Variants in DCHS2 observed in about 807,000 individuals in gnomAD.
The protein encoded by DCHS2 is protocadherin-23.
A neutral mutation model predicts 182.4 loss-of-function variants in DCHS2; 142 were observed. That is an observed-to-expected ratio of 0.78 (90% CI 0.68 to 0.89). The LOEUF (loss-of-function observed/expected upper bound fraction) is 0.89, where lower values mean the gene tolerates loss of function less well. Ranked by LOEUF, DCHS2 falls within the 40% of genes least tolerant of loss-of-function variation. The probability of loss-of-function intolerance (pLI) is 0.00; values close to 1 mark genes in which losing one functional copy is unlikely to be tolerated. For synonymous variants in DCHS2, 1,740 were observed against 1,663.3 expected (o/e 1.05, Z -1.12); for missense variants, 4,319 against 4,198.6 (o/e 1.03, Z -0.79).
At chr4:154,293,478 G>A (rs533679480) in intron 13 of DCHS2, among the ~76,000 whole-genome samples, 275 of 152,198 alleles carry the variant, frequency 1.8e-3, no homozygotes, top group Middle Eastern at 3.4e-3. Context: ...CACTGCGCCC[G>A]GCCGGTATTA....
chr4:154,455,406 A>T (rs901629227), intron 1 of DCHS2, among the ~76,000 whole-genome samples: 1 of 152,228 alleles, frequency 6.6e-6, no homozygotes, highest in Non-Finnish European at 1.5e-5. Flanking sequence ...ACTTCTGTAA[A>T]TTGCTTGGAT....
At chr4:154,456,182 T>C (rs1370407574) in intron 1 of DCHS2, among the ~76,000 whole-genome samples, 1 of 152,214 alleles carries the variant, frequency 6.6e-6, no homozygotes, top group Non-Finnish European at 1.5e-5. Context: ...TGCCTTTTGT[T>C]GTAAAGTTGT....
At chr4:154,326,723 A>AC (rs1406055199) in intron 7 of DCHS2, among the ~76,000 whole-genome samples, 1 of 151,964 alleles carries the variant, frequency 6.6e-6, no homozygotes, top group Non-Finnish European at 1.5e-5. Flanking sequence ...GTAAAGTGTG[A>AC]CCCCTACTCT....
At chr4:154,391,766 C>T (rs1731717207) in intron 1 of DCHS2, among the ~76,000 whole-genome samples, 1 of 152,136 alleles carries the variant, frequency 6.6e-6, no homozygotes, top group Non-Finnish European at 1.5e-5. Flanking sequence ...CTGCAATCAC[C>T]TGTACTCCAT....
At position 154,349,387 on chromosome 4, in the gene DCHS2, C is replaced by T. The variant is rs576591586; in HGVS notation, c.2477-14283G>A. Among the ~76,000 whole-genome samples, 4 of 152,272 alleles carry T rather than the reference C, an allele frequency of 2.6e-5. No homozygotes were observed. In the East Asian group the frequency reaches 7.7e-4, roughly 29 times the overall value. ...AGACAACTTCATTTCAGCTTGGTGG[C>T]CATGAAACTTTAGCGTGAGTGACTC... On this transcript the variant is annotated intron_variant, in intron 3 of 19. Coordinates refer to ENST00000357232, the MANE Select transcript of DCHS2 (RefSeq NM_001358235.2).
intron 3 of DCHS2, among the ~76,000 whole-genome samples, chr4:154,353,198 G>A (rs904917776): frequency 6.6e-6 from 1 of 151,812 alleles, no homozygotes; most frequent in Non-Finnish European, 1.5e-5. Flanking sequence ...TAGGACACTC[G>A]GGCAAAAGAA....
intron 1 of DCHS2, among the ~76,000 whole-genome samples, chr4:154,406,622 A>C (rs1174839293): frequency 1.3e-5 from 2 of 152,188 alleles, no homozygotes; most frequent in Non-Finnish European, 2.9e-5. Flanking sequence ...AAATTCCTTC[A>C]TCTCATTACA....
chr4:154,262,246 G>A (rs1047259557), intron 14 of DCHS2: 6 of 152,150 alleles, frequency 3.9e-5, no homozygotes, highest in Non-Finnish European at 8.8e-5. Flanking sequence ...TCCTTGCATG[G>A]TTTTTATTTT....
chr4:154,284,536 C>T (rs1237894439), intron 13 of DCHS2: 1 of 151,766 alleles, frequency 6.6e-6, no homozygotes, highest in South Asian at 2.1e-4. Flanking sequence ...CCACCTTCCC[C>T]ATCTCCTGGC....
In DCHS2 at chr4:154,304,801, G is replaced by T. The variant is rs151000146; in HGVS notation, c.5473C>A (p.His1825Asn). 77 of 1,613,856 alleles carry T rather than the reference G, an allele frequency of 4.8e-5. No individual in the cohort carries two copies. In the African/African-American group the frequency reaches 8.4e-4, roughly 18 times the overall value. ...CTGGAAACAATAAACTCTGGTGCGT[G>T]ATCGTTTTCATCTTCAACAGTGCAG... ...ILCTVEDEND[H>N]APEFIVSSYD... The change falls in exon 12 of 20, where the codon CAC becomes AAC. Residue 1825 changes from histidine to asparagine, a missense_variant. Coordinates refer to ENST00000357232, the MANE Select transcript of DCHS2 (RefSeq NM_001358235.2).
rs188275782 is a variant in DCHS2, at chr4:154,420,978, C to A, written c.2053-43534G>T. ...CCTACTTGTAACCTGGTAATTACTA[C>A]TACTGCATATAATATATACACTACC... is the stretch of plus-strand genomic sequence containing the variant. On this transcript the variant is annotated intron_variant, in intron 1 of 19. Coordinates refer to ENST00000357232, the MANE Select transcript of DCHS2 (RefSeq NM_001358235.2). Among the ~76,000 whole-genome samples the A allele has an allele frequency of 1.6e-4, 24 of 152,210 alleles. No homozygotes were observed. In the East Asian group the frequency reaches 4.6e-3, roughly 29 times the overall value.
intron 1 of DCHS2, among the ~76,000 whole-genome samples, chr4:154,410,778 G>T (rs1732599258): frequency 6.6e-6 from 1 of 152,076 alleles, no homozygotes; most frequent in African/African-American, 2.4e-5. Context: ...AAGTTCAAAA[G>T]TCTCCAAATA....
At chr4:154,467,338 G>T (rs1023777031) in intron 1 of DCHS2, among the ~76,000 whole-genome samples, 1 of 152,218 alleles carries the variant, frequency 6.6e-6, no homozygotes, top group Middle Eastern at 3.4e-3. Context: ...AGTGAGCAAG[G>T]ATTGCCAGGC....
chr4:154,248,223 T>C (rs966059382), intron 16 of DCHS2, among the ~76,000 whole-genome samples: 2 of 152,228 alleles, frequency 1.3e-5, no homozygotes, highest in Non-Finnish European at 2.9e-5. Flanking sequence ...GACTATGAAG[T>C]AAACATGAAT....
intron 3 of DCHS2, among the ~76,000 whole-genome samples, chr4:154,341,186 G>C (rs1157867131): frequency 6.6e-6 from 1 of 152,066 alleles, no homozygotes; most frequent in Non-Finnish European, 1.5e-5. Flanking sequence ...GGCTAACACA[G>C]TGAAACTCCG....
chr4:154,390,655 G>A (rs1281657858), intron 1 of DCHS2, among the ~76,000 whole-genome samples: 1 of 151,890 alleles, frequency 6.6e-6, no homozygotes, highest in African/African-American at 2.4e-5. Context: ...CTTTTTAACT[G>A]TTTATTATTA....
At chr4:154,448,141 C>T (rs549071226) in intron 1 of DCHS2, among the ~76,000 whole-genome samples, 1 of 152,294 alleles carries the variant, frequency 6.6e-6, no homozygotes, top group East Asian at 1.9e-4. Context: ...TTCCATGGCT[C>T]TTCTGGTTTC....
At chr4:154,321,297 T>C in intron 8 of DCHS2, 75 bp from the exon 9 acceptor site, 6 of 1,357,792 alleles carry the variant, frequency 4.4e-6, no homozygotes, top group Non-Finnish European at 5.7e-6. Flanking sequence ...AATAATATTA[T>C]TTTGAAAGCA....
At chr4:154,433,088 A>T (rs1455136096) in intron 1 of DCHS2, among the ~76,000 whole-genome samples, 1 of 152,210 alleles carries the variant, frequency 6.6e-6, no homozygotes, top group East Asian at 1.9e-4. Flanking sequence ...TAAGAAGAGG[A>T]CATATTGGAT....
Sources: gnomAD v4.1 joint callset for allele counts (sites outside exome capture counted in the v4.1 genomes callset) on GRCh38, gnomAD v4.1.1 for gene constraint, MANE v1.5 for transcripts, NCBI Gene and HGNC (gene_info 2026-07-23, HGNC 2026-07-21) for gene names.